The following GDA variants were observed in gnomAD, a reference collection of about 807,000 sequenced individuals.
GDA encodes cytoplasmic PSD-95 interactor.
GDA carries 18 observed loss-of-function variants against 59.6 expected under a neutral mutation model. That is an observed-to-expected ratio of 0.30 (90% CI 0.21 to 0.45). The LOEUF is 0.45. Ranked by LOEUF, GDA falls within the 20% of genes least tolerant of loss-of-function variation. The probability of loss-of-function intolerance (pLI) is 1.00; values close to 1 mark genes in which losing one functional copy is unlikely to be tolerated. For missense variants in GDA, 427 were observed against 552.3 expected, an observed-to-expected ratio of 0.77 and a Z score of 2.27; for synonymous variants, 201 against 201.1, an observed-to-expected ratio of 1.00 and a Z score of 0.00.
intron 7 of GDA, among the ~76,000 whole-genome samples, chr9:72,224,109 G>A (rs1837242439): frequency 6.6e-6 from 1 of 152,112 alleles, no homozygotes. Flanking sequence ...TGATGTTTCT[G>A]CTTTGCAAAC....
intron 1 of GDA, among the ~76,000 whole-genome samples, chr9:72,188,622 G>C (rs1298299643): frequency 1.3e-5 from 2 of 152,210 alleles, no homozygotes; most frequent in Non-Finnish European, 2.9e-5. Flanking sequence ...TGTCACAGAA[G>C]CAGAGCCACT....
At chr9:72,242,383 G>A (rs1258100749) in intron 11 of GDA, among the ~76,000 whole-genome samples, 1 of 152,114 alleles carries the variant, frequency 6.6e-6, no homozygotes, top group Non-Finnish European at 1.5e-5. Context: ...AATAAAAATT[G>A]GTCACTGTAT....
rs998288995 is a variant in GDA at position 72,249,410 on chromosome 9, C to T, written c.*1068C>T. The T allele has an allele frequency of 6.8e-5, 64 of 948,144 alleles. No individual in the cohort carries two copies. The African/African-American group carries it at 1.1e-3, about 17-fold the overall frequency. The allele number at this position is 948,144 out of a possible 1,614,324, so 58.7% of individuals were successfully genotyped here. On this transcript the variant is annotated 3_prime_UTR_variant, in exon 14 of 14. Coordinates refer to ENST00000358399, the MANE Select transcript of GDA (RefSeq NM_004293.5). Reference sequence around the variant, plus strand: ...AAATATTGTTAAAAATCTTTAAACCCTGTGTATTGAAAGCACTCTATTTTC... The same window carrying T: ...AAATATTGTTAAAAATCTTTAAACCTTGTGTATTGAAAGCACTCTATTTTC...
chr9:72,173,961 A>G (rs1320172307), intron 1 of GDA, among the ~76,000 whole-genome samples: 1 of 152,108 alleles, frequency 6.6e-6, no homozygotes, highest in Non-Finnish European at 1.5e-5. Context: ...TGATGCCCTT[A>G]TTCAGATAAA....
At chr9:72,132,735 T>C (rs1052163654) in intron 1 of GDA, among the ~76,000 whole-genome samples, 1 of 152,078 alleles carries the variant, frequency 6.6e-6, no homozygotes, top group African/African-American at 2.4e-5. Context: ...TAAGTAGTTA[T>C]AGTTTCTGGA....
chr9:72,133,995 G>T (rs1023572521), intron 1 of GDA, among the ~76,000 whole-genome samples: 2 of 152,202 alleles, frequency 1.3e-5, no homozygotes, highest in Admixed American at 1.3e-4. Flanking sequence ...CATGTAGTGT[G>T]TAAGAACCTA....
intron 1 of GDA, among the ~76,000 whole-genome samples, chr9:72,118,650 AT>A (rs1401154473): frequency 6.6e-6 from 1 of 152,206 alleles, no homozygotes; most frequent in African/African-American, 2.4e-5. Context: ...CATGAAAAAA[AT>A]GTTCAGTTTC....
chr9:72,147,359 C>G (rs1035324355), upstream of GDA, among the ~76,000 whole-genome samples: 1 of 152,180 alleles, frequency 6.6e-6, no homozygotes, highest in Non-Finnish European at 1.5e-5. Flanking sequence ...AGGCACGCAT[C>G]ACCACACCCA....
intron 1 of GDA, among the ~76,000 whole-genome samples, chr9:72,122,213 G>A (rs553674421): frequency 9.2e-5 from 14 of 152,162 alleles, no homozygotes; most frequent in African/African-American, 2.4e-4. Flanking sequence ...CTGATTTTAC[G>A]TTTCTCACAG....
In GDA at chr9:72,205,549, G is replaced by A. The variant is rs139087976; in HGVS notation, c.384+2807G>A. On this transcript the variant is annotated intron_variant, in intron 3 of 13. Coordinates refer to ENST00000358399, the MANE Select transcript of GDA (RefSeq NM_004293.5). Reference sequence around the variant, plus strand: ...TTCAGAGGACTCTGCCCAGCAAGGTGGGCAGGCAGCATTTAAGACAGAAAA... The same window carrying A: ...TTCAGAGGACTCTGCCCAGCAAGGTAGGCAGGCAGCATTTAAGACAGAAAA... Among the ~76,000 whole-genome samples, 40 of 152,288 alleles carry A rather than the reference G, an allele frequency of 2.6e-4. No individual in the cohort carries two copies. The East Asian group carries it at 6.9e-3, about 26-fold the overall frequency.
At chr9:72,213,059 A>G (rs1279541882) in intron 4 of GDA, among the ~76,000 whole-genome samples, 2 of 152,132 alleles carry the variant, frequency 1.3e-5, no homozygotes, top group Non-Finnish European at 2.9e-5. Flanking sequence ...TCACAAGGTC[A>G]GGAGATCGAA....
chr9:72,163,241 G>A (rs1828873143), intron 1 of GDA, among the ~76,000 whole-genome samples: 1 of 152,164 alleles, frequency 6.6e-6, no homozygotes, highest in Non-Finnish European at 1.5e-5. Flanking sequence ...GGCTGTCACT[G>A]AGTTTTTGAA....
intron 1 of GDA, among the ~76,000 whole-genome samples, chr9:72,155,315 G>A (rs1827763537): frequency 1.3e-5 from 2 of 152,174 alleles, no homozygotes; most frequent in Non-Finnish European, 2.9e-5. Context: ...CATGAGAACA[G>A]TATGGGGGAA....
At chr9:72,151,754 C>G (rs548010888) in intron 1 of GDA, among the ~76,000 whole-genome samples, 6 of 151,982 alleles carry the variant, frequency 3.9e-5, no homozygotes, top group African/African-American at 1.4e-4. Flanking sequence ...ACTACAGGCG[C>G]CACCACGCCC....
intron 4 of GDA, among the ~76,000 whole-genome samples, chr9:72,213,313 A>G (rs1197828014): frequency 6.6e-6 from 1 of 152,066 alleles, no homozygotes; most frequent in Non-Finnish European, 1.5e-5. Flanking sequence ...AACCCACCTG[A>G]CAGCCTGAGA....
chr9:72,228,064 T>G (rs567468915), intron 9 of GDA, 24 bp downstream of exon 9: 1 of 1,302,494 alleles, frequency 7.7e-7, no homozygotes, highest in East Asian at 2.3e-5. Context: ...GATTGTTTGG[T>G]AGATTACGAA....
At chr9:72,161,982 A>G (rs1374114876) in intron 1 of GDA, among the ~76,000 whole-genome samples, 1 of 152,230 alleles carries the variant, frequency 6.6e-6, no homozygotes, top group Non-Finnish European at 1.5e-5. Flanking sequence ...ACTTCCACAC[A>G]CTGATGCAGA....
intron 1 of GDA, among the ~76,000 whole-genome samples, chr9:72,133,172 C>T (rs1826084169): frequency 6.6e-6 from 1 of 151,278 alleles, no homozygotes; most frequent in African/African-American, 2.4e-5. Context: ...TGCCTGTAGT[C>T]CCAGCTACTT....
chr9:72,150,370 G>C (rs371186045), intron 1 of GDA, among the ~76,000 whole-genome samples: 31 of 151,594 alleles, frequency 2.0e-4, no homozygotes, highest in Admixed American at 1.1e-3. Flanking sequence ...ATAGCCATTT[G>C]CATCAAAGCA....
Sources: allele counts gnomAD v4.1 joint callset (sites outside exome capture counted in the v4.1 genomes callset), GRCh38; gene constraint gnomAD v4.1.1; transcripts MANE v1.5; gene names NCBI Gene and HGNC (gene_info 2026-07-23, HGNC 2026-07-21).